Variants in EMG1 observed in about 807,000 individuals in gnomAD.
EMG1 encodes the protein EMG1 N1-specific pseudouridine methyltransferase, also known as ribosomal RNA small subunit methyltransferase NEP1.
In EMG1, 24 loss-of-function variants were observed where a neutral mutation model predicts 26.9. The observed-to-expected ratio is 0.89, with a 90% CI of 0.65 to 1.26. The LOEUF is 1.26. EMG1 is among the 50% of genes most tolerant of loss of function. EMG1 has a pLI of 0.00. For synonymous variants in EMG1, 140 were observed against 112.6 expected (o/e 1.24, Z -1.54); for missense variants, 299 against 307.6 (o/e 0.97, Z 0.21).
In EMG1 at chr12:6,974,597, C is replaced by G. The variant is rs781966629; in HGVS notation, c.316C>G (p.Leu106Val). 3 of 1,613,852 alleles carry G rather than the reference C, an allele frequency of 1.9e-6. No individual in the cohort carries two copies. In the South Asian group the frequency reaches 3.3e-5, roughly 18 times the overall value. Residue 106 changes from leucine (L) to valine (V), a missense_variant, in exon 3 of 6, where the codon CTA becomes GTA. By Grantham distance (32) the Leu-to-Val change is conservative (BLOSUM62 1). Coordinates refer to ENST00000599672, the MANE Select transcript of EMG1 (RefSeq NM_006331.8). Reference protein sequence around the residue: ...MDSPLNRAGLLQVYIHTQKNV... With the variant: ...MDSPLNRAGLVQVYIHTQKNV... ...TAGTCCCCTGAACCGAGCTGGCTTG[C>G]TACAGGTTTATATCCATACACAGAA...
At chr12:6,996,551 C>T (rs1408606134) in intron 7 of EMG1, among the ~76,000 whole-genome samples, 1 of 152,200 alleles carries the variant, frequency 6.6e-6, no homozygotes. Context: ...TCCTGGTACA[C>T]AAAATTTCTC....
chr12:6,971,649 C>G (rs1156565470), intron 1 of EMG1, among the ~76,000 whole-genome samples: 2 of 152,090 alleles, frequency 1.3e-5, no homozygotes, highest in Non-Finnish European at 2.9e-5. Flanking sequence ...ATTGGTTTAC[C>G]AGGATTCTGT....
At chr12:6,973,083 T>C (rs1056105671) in intron 1 of EMG1, among the ~76,000 whole-genome samples, 3 of 151,718 alleles carry the variant, frequency 2.0e-5, no homozygotes, top group African/African-American at 7.3e-5. Context: ...CAAGTGATCC[T>C]TCCACCTCGG....
At chr12:6,995,214 G>A (rs1259724700) in intron 7 of EMG1, among the ~76,000 whole-genome samples, 1 of 151,146 alleles carries the variant, frequency 6.6e-6, no homozygotes, top group African/African-American at 2.4e-5. Flanking sequence ...GTGGCTCCAC[G>A]TCTGTAATCC....
downstream of EMG1, among the ~76,000 whole-genome samples, chr12:6,982,151 G>A (rs1256452742): frequency 2.6e-5 from 4 of 152,052 alleles, no homozygotes; most frequent in East Asian, 1.9e-4. Context: ...CACCCCACCC[G>A]GCTAATTTTT....
Position 6,975,932 on chromosome 12 carries a change from C to CTGTA in EMG1, c.*124_*127dup. ...ACTGTGGAGTTTGGGGAAGCCAAGG[C>CTGTA]TGTACATTTGCTATTTGTTTATCCT... On this transcript the variant is annotated 3_prime_UTR_variant, in exon 6 of 6. Transcript: ENST00000599672. 1 of 670,732 alleles carries CTGTA rather than the reference C, an allele frequency of 1.5e-6. No homozygotes were observed. The highest frequency in any genetic ancestry group is 2.7e-6 in the Non-Finnish European group (1 of 374,782). 41.5% of individuals were successfully genotyped at this position (670,732 alleles called of 1,614,324 possible). A position where few individuals can be genotyped will look rare whatever the true frequency, so the allele number is the denominator to read the frequency against.
At chr12:6,992,565 C>G (rs1316270207), downstream of EMG1, among the ~76,000 whole-genome samples, 3 of 152,050 alleles carry the variant, frequency 2.0e-5, no homozygotes, top group African/African-American at 4.8e-5. Context: ...TAATTTTTAC[C>G]CCAAAGAGAT....
rs1339395176 is a variant in EMG1, at chr12:6,978,221, C to T, written c.*2412C>T. ...TGGGGGTCAAAGTCAGTGTGAGCGACAGGGGGTTCTGCCCAGATGGGAAAG... is the reference window on the plus strand; with the variant it reads ...TGGGGGTCAAAGTCAGTGTGAGCGATAGGGGGTTCTGCCCAGATGGGAAAG... On this transcript the variant is annotated 3_prime_UTR_variant, in exon 6 of 6. Coordinates refer to ENST00000599672, the MANE Select transcript of EMG1 (RefSeq NM_006331.8). The T allele has an allele frequency of 2.4e-5, 29 of 1,200,518 alleles. No homozygotes were observed. The highest frequency in any genetic ancestry group is 2.9e-5 in the Non-Finnish European group (25 of 855,068). 74.4% of individuals were successfully genotyped at this position (1,200,518 alleles called of 1,614,324 possible).
At chr12:6,986,795 C>CAA (rs1157395768) in intron 6 of EMG1, among the ~76,000 whole-genome samples, 1,189 of 33,334 alleles carry the variant, frequency 0.036, 57 homozygotes, top group African/African-American at 0.11. Context: ...GACTCTGTCT[C>CAA]AAAAAAAAAA....
downstream of EMG1, among the ~76,000 whole-genome samples, chr12:6,991,433 T>C (rs1334400855): frequency 6.6e-6 from 1 of 152,234 alleles, no homozygotes; most frequent in African/African-American, 2.4e-5. Context: ...TGCAAAATAC[T>C]GGTTCCCTGT....
Position 6,987,766 on chromosome 12 carries a change from A to G in EMG1, c.*155-16A>G. The G allele has an allele frequency of 2.5e-6, 1 of 400,658 alleles. No individual in the cohort carries two copies. Among genetic ancestry groups the G allele is most frequent in the Admixed American group, 4.4e-5 (1 of 22,718 alleles). 24.8% of individuals were successfully genotyped at this position (400,658 alleles called of 1,614,324 possible). A position where few individuals can be genotyped will look rare whatever the true frequency, so the allele number is the denominator to read the frequency against. On this transcript the variant is annotated splice_polypyrimidine_tract_variant and intron_variant and NMD_transcript_variant, in intron 6 of 7. Transcript: ENST00000261406. The surrounding 1 kb of genome is among the most constrained non-coding windows in gnomAD (Gnocchi z 4.1). ...ACTCTGCCTCTTTAAGTTGAATCTA[A>G]TTTAACATTTTCTAGGTGTCTGGAT...
At chr12:6,984,730 G>C (rs1946504310), downstream of EMG1, among the ~76,000 whole-genome samples, 1 of 152,112 alleles carries the variant, frequency 6.6e-6, no homozygotes, top group Non-Finnish European at 1.5e-5. Flanking sequence ...GGGACCACAG[G>C]TGCTTGCCAC....
chr12:6,997,379 A>G (rs782714113), exon 8 of EMG1: 99 of 114,152 alleles, frequency 8.7e-4, no homozygotes, highest in East Asian at 3.8e-3. Flanking sequence ...ACAGCAAATT[A>G]TGTGTGTGTG....
In EMG1 at chr12:6,977,429, A is replaced by G; in HGVS notation, c.*1620A>G. The stretch of plus-strand genomic sequence containing the variant: ...GTCATGGAGTAACCCATGAAGAGCC[A>G]GTGGATGGTCTGTTGCACCAAATAG... On this transcript the variant is annotated 3_prime_UTR_variant, in exon 6 of 6. Transcript: ENST00000599672. The surrounding 1 kb of genome is among the most constrained non-coding windows in gnomAD (Gnocchi z 4.5). 1 of 1,614,210 alleles carries G rather than the reference A, an allele frequency of 6.2e-7. No homozygotes were observed. The highest frequency in any genetic ancestry group is 8.5e-7 in the Non-Finnish European group (1 of 1,180,028).
downstream of EMG1, chr12:6,980,816 G>C (rs971856074): frequency 2.4e-5 from 11 of 463,678 alleles, no homozygotes; most frequent in Non-Finnish European, 3.4e-5. Context: ...GTGTTAGAAT[G>C]GATAACTGGA....
rs1440412491 is a variant in EMG1, at chr12:6,978,394, G to A, written c.*2585G>A. 1.2e-6 allele frequency: 2 copies of A among 1,613,972 alleles called. No individual in the cohort carries two copies. The highest frequency in any genetic ancestry group is 1.1e-5 in the South Asian group (1 of 91,074). ...TGAATGAGGCAATGGTGCCAGTGAA[G>A]CGGGGGTTTGTTTCAAAGAGCCACA... On this transcript the variant is annotated 3_prime_UTR_variant, in exon 6 of 6. Coordinates refer to ENST00000599672, the MANE Select transcript of EMG1 (RefSeq NM_006331.8).
intron 1 of EMG1, among the ~76,000 whole-genome samples, chr12:6,972,317 G>T (rs1385538945): frequency 6.6e-6 from 1 of 152,124 alleles, no homozygotes; most frequent in Non-Finnish European, 1.5e-5. Context: ...ATAACTAAGG[G>T]TGTCTCATGG....
rs782796167 is a variant in EMG1 at position 6,978,783 on chromosome 12, C to T, written c.*2974C>T. ...TTTTCACACTTGTGGCTGGCTACTT[C>T]ATACCTGCCTGAGTCCTGCTGCCAG... On this transcript the variant is annotated 3_prime_UTR_variant, in exon 6 of 6. Coordinates refer to ENST00000599672, the MANE Select transcript of EMG1 (RefSeq NM_006331.8). 1.9e-6 allele frequency: 3 copies of T among 1,542,182 alleles called. No homozygotes were observed. In the East Asian group the frequency reaches 7.0e-5, roughly 36 times the overall value.
At chr12:6,981,499 G>T, downstream of EMG1, 1 of 1,208,036 alleles carries the variant, frequency 8.3e-7, no homozygotes, top group Non-Finnish European at 1.2e-6. Context: ...TGAGGGAGAG[G>T]CTCCGCTCTG....
Sources: gnomAD v4.1 joint callset for allele counts (sites outside exome capture counted in the v4.1 genomes callset) on GRCh38, gnomAD v4.1.1 for gene constraint, Gnocchi (gnomAD v3.1) non-coding constraint, MANE v1.5 for transcripts, NCBI Gene and HGNC (gene_info 2026-07-23, HGNC 2026-07-21) for gene names.